The following TPCN2 variants were observed in gnomAD, a reference collection of about 807,000 sequenced individuals.
TPCN2 encodes the protein two pore channel protein 2.
TPCN2 carries 92 observed loss-of-function variants against 111.4 expected under a neutral mutation model. The observed-to-expected ratio is 0.83, with a 90% CI of 0.70 to 0.98. TPCN2 has a LOEUF of 0.98. TPCN2 is among the 50% of genes least tolerant of loss of function. The pLI, the probability that TPCN2 is intolerant of heterozygous loss-of-function variation, is 0.00. For synonymous variants in TPCN2, 405 were observed against 414.5 expected (o/e 0.98, Z 0.28); for missense variants, 995 against 980.1 (o/e 1.02, Z -0.20).
chr11:69,080,251 G>C (rs1855948245), intron 17 of TPCN2, among the ~76,000 whole-genome samples: 1 of 152,256 alleles, frequency 6.6e-6, no homozygotes, highest in South Asian at 2.1e-4. Flanking sequence ...GGATTCGGCT[G>C]GGCCCCTCTG....
At chr11:69,064,147 CACTGCCCAGACACCTG>C (rs1855154382) in intron 7 of TPCN2, among the ~76,000 whole-genome samples, 180 bp downstream of exon 7, 2 of 152,134 alleles carry the variant, frequency 1.3e-5, no homozygotes, top group South Asian at 4.1e-4. Flanking sequence ...TCCACCACCC[CACTGCCCAGACACCTG>C]TCTGCCCTGG....
intron 18 of TPCN2, among the ~76,000 whole-genome samples, chr11:69,081,863 G>A (rs1189140253): frequency 6.6e-6 from 1 of 152,122 alleles, no homozygotes; most frequent in African/African-American, 2.4e-5. Flanking sequence ...TATTAATGAG[G>A]GGCAGTGGTA....
At chr11:69,054,175 G>A (rs1854640194) in intron 2 of TPCN2, 78 bp downstream of exon 2, 5 of 1,253,448 alleles carry the variant, frequency 4.0e-6, no homozygotes, top group East Asian at 2.4e-5. Context: ...AGGGGCGACT[G>A]ACTGGGTCCA....
At chr11:69,060,729 G>A (rs1277536946) in intron 5 of TPCN2, among the ~76,000 whole-genome samples, 1 of 152,200 alleles carries the variant, frequency 6.6e-6, no homozygotes, top group Admixed American at 6.5e-5. Flanking sequence ...GACTACAGGT[G>A]AGGGTGCAAG....
At chr11:69,078,299 G>A (rs1855874489) in intron 13 of TPCN2, among the ~76,000 whole-genome samples, 183 bp from the exon 14 acceptor site, 1 of 152,200 alleles carries the variant, frequency 6.6e-6, no homozygotes, top group Non-Finnish European at 1.5e-5. Flanking sequence ...AGACCACTGA[G>A]ATGAACACCT....
In TPCN2 at chr11:69,054,764, T is replaced by C. The variant is rs1854678667; in HGVS notation, c.218T>C (p.Leu73Pro). ...NHRVDASSMW[L>P]YRRYYSNVCQ... The stretch of plus-strand genomic sequence containing the variant: ...CGGGTGGATGCCAGCTCGATGTGGC[T>C]TTACCGACGGTATTACTCGAACGTA... Residue 73 changes from leucine (L) to proline (P), a missense_variant, in exon 3 of 25, where the codon CTT becomes CCT. Coordinates refer to ENST00000294309, the MANE Select transcript of TPCN2 (RefSeq NM_139075.4). 6.2e-7 allele frequency: 1 copy of C among 1,614,170 alleles called. No individual in the cohort carries two copies. Among genetic ancestry groups the C allele is most frequent in the Middle Eastern group, 1.6e-4 (1 of 6,062 alleles).
At chr11:69,086,748 G>A in intron 23 of TPCN2, 144 bp downstream of exon 23, 2 of 771,222 alleles carry the variant, frequency 2.6e-6, no homozygotes, top group East Asian at 2.6e-5. Context: ...GTGAGGCTGA[G>A]CCCCTCCCGT....
intron 1 of TPCN2, among the ~76,000 whole-genome samples, chr11:69,049,951 G>C (rs1355956546): frequency 6.6e-6 from 1 of 152,202 alleles, no homozygotes; most frequent in Non-Finnish European, 1.5e-5. Context: ...CTCTGTTCTG[G>C]TGCGGCTGCT....
At chr11:69,084,122 G>T (rs368825922) in intron 19 of TPCN2, 106 bp downstream of exon 19, 2 of 1,220,706 alleles carry the variant, frequency 1.6e-6, no homozygotes, top group Non-Finnish European at 2.4e-6. Flanking sequence ...CGGTAGGAAG[G>T]TTCTTGGGTT....
At chr11:69,079,960 G>GACACCCC in intron 17 of TPCN2, 77 bp downstream of exon 17, 1 of 1,399,938 alleles carries the variant, frequency 7.1e-7, no homozygotes, top group Non-Finnish European at 1.0e-6. Flanking sequence ...GGTCTCAGTG[G>GACACCCC]TGTCCAGGGG....
intron 16 of TPCN2, chr11:69,079,624 C>T (rs949763530): frequency 5.4e-6 from 3 of 557,566 alleles, no homozygotes; most frequent in African/African-American, 3.8e-5. Context: ...TCTGTGCAGT[C>T]CCCCGATTCC....
At chr11:69,057,798 C>G in intron 5 of TPCN2, 104 bp downstream of exon 5, 1 of 1,005,398 alleles carries the variant, frequency 9.9e-7, no homozygotes, top group East Asian at 2.4e-5. Context: ...GCCAGCCATC[C>G]TGCCCACCCG....
intron 5 of TPCN2, among the ~76,000 whole-genome samples, chr11:69,061,838 G>A (rs1003868202): frequency 8.2e-5 from 11 of 134,584 alleles, no homozygotes; most frequent in South Asian, 4.4e-4. Flanking sequence ...GGCTGGGGTG[G>A]GTTGACAGGA....
rs1353523449 is a variant in TPCN2, at chr11:69,057,543, G to A, written c.430-35G>A. ...TCTGGCTGCAGGGCCAGCGTGTGGG[G>A]CTACTTGCTGCTCACCCGCCCGTCT... On this transcript the variant is annotated intron_variant, in intron 4 of 24. Transcript: ENST00000294309. The A allele has an allele frequency of 9.5e-6, 15 of 1,586,620 alleles. 1 individual carries two copies. In the South Asian group the frequency reaches 1.5e-4, roughly 16 times the overall value.
rs115141910 is a variant in TPCN2 at position 69,088,111 on chromosome 11, G to A, written c.*158G>A. The A allele has an allele frequency of 2.6e-3, 1,617 of 630,410 alleles. 17 individuals are homozygous for A. Among genetic ancestry groups the A allele is most frequent in the African/African-American group, 0.025 (1,351 of 54,472 alleles). The allele number at this position is 630,410 out of a possible 1,614,324, so 39.1% of individuals were successfully genotyped here. A position where few individuals can be genotyped will look rare whatever the true frequency, so the allele number is the denominator to read the frequency against. The stretch of plus-strand genomic sequence containing the variant: ...TGGGGACAGGAACCAAGTCCTTTGC[G>A]TGTGGCCCAACAACCATCTACAGAA... On this transcript the variant is annotated 3_prime_UTR_variant, in exon 25 of 25. Coordinates refer to ENST00000294309, the MANE Select transcript of TPCN2 (RefSeq NM_139075.4).
Position 69,087,173 on chromosome 11 carries a change from C to A in TPCN2, c.2147C>A (p.Ala716Asp). The A allele has an allele frequency of 5.0e-6, 8 of 1,613,954 alleles. No homozygotes were observed. The highest frequency in any genetic ancestry group is 6.8e-6 in the Non-Finnish European group (8 of 1,179,896). The change falls in exon 24 of 25, where the codon GCC becomes GAC. Residue 716 changes from alanine to aspartate, a missense_variant. Ala to Asp is a moderately radical substitution (Grantham distance 126). Transcript: ENST00000294309. ...HLQPLAGTPE[A>D]TYQMTVELLF... ...CAGCCCCTTGCTGGGACCCCAGAGG[C>A]CACCTACCAGATGACTGTGGAGCTC... is the stretch of plus-strand genomic sequence containing the variant.
intron 7 of TPCN2, among the ~76,000 whole-genome samples, chr11:69,066,127 A>G (rs10896406): frequency 0.44 from 66,113 of 151,660 alleles, 14,815 homozygotes; most frequent in Non-Finnish European, 0.5. Flanking sequence ...GCCTGGCCCT[A>G]AACCTTGCTC....
At position 69,088,214 on chromosome 11, in the gene TPCN2, C is replaced by T; in HGVS notation, c.*261C>T. The T allele has an allele frequency of 8.1e-6, 4 of 495,136 alleles. No homozygotes were observed. The highest frequency in any genetic ancestry group is 1.5e-5 in the Non-Finnish European group (4 of 274,614). The allele number at this position is 495,136 out of a possible 1,614,324, so 30.7% of individuals were successfully genotyped here. The stretch of plus-strand genomic sequence containing the variant: ...GCTTCAGTGAGAATTCCCTCGTCGA[C>T]TCCACAGGGACCTTTCAGACAAAAA... On this transcript the variant is annotated 3_prime_UTR_variant, in exon 25 of 25. Transcript: ENST00000294309.
rs780223069 is a variant in TPCN2 at position 69,087,851 on chromosome 11, G to C, written c.2181-24G>C. ...GTCTCCCTCCTTTAGAGGCCCCTGT[G>C]TGCATCTTTCCTCAATTCCACAGGG... On this transcript the variant is annotated intron_variant, in intron 24 of 24. Transcript: ENST00000294309. 32 of 1,605,066 alleles carry C rather than the reference G, an allele frequency of 2.0e-5. No homozygotes were observed. In the East Asian group the frequency reaches 7.2e-4, roughly 36 times the overall value.
Sources: allele counts gnomAD v4.1 joint callset (sites outside exome capture counted in the v4.1 genomes callset), GRCh38; gene constraint gnomAD v4.1.1; transcripts MANE v1.5; gene names NCBI Gene and HGNC (gene_info 2026-07-23, HGNC 2026-07-21).